The following KCNK10 variants were observed in gnomAD, a reference collection of about 807,000 sequenced individuals.
KCNK10 encodes potassium two pore domain channel subfamily K member 10.
In KCNK10, 25 loss-of-function variants were observed where a neutral mutation model predicts 47.7. The observed-to-expected ratio is 0.52, with a 90% CI of 0.38 to 0.73. The LOEUF (loss-of-function observed/expected upper bound fraction) is 0.73, where lower values mean the gene tolerates loss of function less well. KCNK10 is among the 30% of genes least tolerant of loss of function. KCNK10 has a pLI of 0.00. For missense variants in KCNK10, 563 were observed against 714.5 expected (o/e 0.79, Z 2.42); for synonymous variants, 303 against 285.6 (o/e 1.06, Z -0.61).
intron 2 of KCNK10, among the ~76,000 whole-genome samples, chr14:88,261,538 A>G (rs1887111545): frequency 3.9e-5 from 6 of 152,188 alleles, no homozygotes; most frequent in Admixed American, 3.9e-4. Context: ...TGATTGCTTG[A>G]GCCTAGGAAT....
intron 2 of KCNK10, among the ~76,000 whole-genome samples, chr14:88,257,717 C>T (rs890635741): frequency 6.6e-6 from 1 of 152,228 alleles, no homozygotes; most frequent in African/African-American, 2.4e-5. Context: ...CACAGAACAG[C>T]TGTGGGGACT....
Position 88,186,222 on chromosome 14 carries a change from C to T in KCNK10, c.1012-67G>A. ...CTCCCTGCCTTGGCCTCCCAGCACC[C>T]ACAGCCCTCGGGTGTCCCCACGGGG... On this transcript the variant is annotated intron_variant, in intron 6 of 6. Transcript: ENST00000319231. This position sits in a 1 kb window ranked among gnomAD's most constrained non-coding sequence, Gnocchi z 5.5. 6.7e-7 allele frequency: 1 copy of T among 1,499,576 alleles called. No homozygotes were observed. The highest frequency in any genetic ancestry group is 8.9e-7 in the Non-Finnish European group (1 of 1,123,282). 92.9% of individuals were successfully genotyped at this position (1,499,576 alleles called of 1,614,324 possible).
rs567737199 is a variant in KCNK10 at position 88,246,721 on chromosome 14, C to T, written c.403-5901G>A. On this transcript the variant is annotated intron_variant, in intron 2 of 6. Transcript: ENST00000319231. ...AGGAAGACAGTGGGAGCACCTCATA[C>T]ATTACTCTTGCAACAGGGAAAGTTC... 1.8e-3 allele frequency among the ~76,000 whole-genome samples: 268 copies of T among 152,298 alleles called. 9 individuals are homozygous for T. The South Asian group carries it at 0.052, about 30-fold the overall frequency.
At chr14:88,320,213 C>T (rs1888517654) in intron 1 of KCNK10, among the ~76,000 whole-genome samples, 1 of 152,176 alleles carries the variant, frequency 6.6e-6, no homozygotes, top group South Asian at 2.1e-4. Flanking sequence ...AAACAATGTA[C>T]ATAAAGCACC....
At position 88,185,697 on chromosome 14, in the gene KCNK10, C is replaced by T. The variant is rs1432439505; in HGVS notation, c.1470G>A (p.Lys490=). 1 of 1,614,214 alleles carries T rather than the reference C, an allele frequency of 6.2e-7. No homozygotes were observed. Among genetic ancestry groups the T allele is most frequent in the East Asian group, 2.2e-5 (1 of 44,880 alleles). ...ACATCTTTTCCGTCTCCTCCTCTTT[C>T]TTCTCCTCGTCCAGGGAGTAATTCC... is the stretch of plus-strand genomic sequence containing the variant. ...TFRNYSLDEE[K]KEEETEKMCN... Residue 490 remains lysine (K), a synonymous_variant, in exon 7 of 7, where the codon AAG becomes AAA. Coordinates refer to ENST00000319231, the MANE Select transcript of KCNK10 (RefSeq NM_138317.3). The surrounding 1 kb of genome is among the most constrained non-coding windows in gnomAD (Gnocchi z 4.3).
At chr14:88,307,943 T>C (rs776731774) in intron 1 of KCNK10, among the ~76,000 whole-genome samples, 5 of 152,118 alleles carry the variant, frequency 3.3e-5, no homozygotes, top group Non-Finnish European at 5.9e-5. Context: ...CATTTAACCA[T>C]ACCTACTCCC....
At chr14:88,263,671 C>G in intron 1 of KCNK10, 120 bp from the exon 2 acceptor site, 2 of 881,934 alleles carry the variant, frequency 2.3e-6, no homozygotes, top group South Asian at 1.8e-5. Flanking sequence ...GAGGATGAAA[C>G]GCTGGTTCAC....
intron 4 of KCNK10, among the ~76,000 whole-genome samples, chr14:88,205,542 C>CTT (rs200265659): frequency 0.022 from 2,597 of 115,718 alleles, 131 homozygotes; most frequent in African/African-American, 0.07. Context: ...CTTTTCTTTT[C>CTT]TTTTTTTTTT....
At position 88,277,013 on chromosome 14, in the gene KCNK10, C is replaced by T. The variant is rs141867301; in HGVS notation, c.53-13462G>A. Reference sequence around the variant, plus strand: ...TCTGTGTGCATCAAAAGTGGGGTATCATATGTATATTTTTAAACCATTTCT... The same window carrying T: ...TCTGTGTGCATCAAAAGTGGGGTATTATATGTATATTTTTAAACCATTTCT... On this transcript the variant is annotated intron_variant, in intron 1 of 6. Coordinates refer to ENST00000319231, the MANE Select transcript of KCNK10 (RefSeq NM_138317.3). Among the ~76,000 whole-genome samples the T allele has an allele frequency of 3.7e-3, 562 of 152,316 alleles. 4 individuals are homozygous for T. The highest frequency in any genetic ancestry group is 0.013 in the African/African-American group (532 of 41,568).
intron 2 of KCNK10, among the ~76,000 whole-genome samples, chr14:88,255,366 T>C (rs1208725442): frequency 1.3e-5 from 2 of 152,060 alleles, no homozygotes; most frequent in Non-Finnish European, 2.9e-5. Flanking sequence ...CTTCTTGGGA[T>C]TTATTTCCTC....
intron 2 of KCNK10, among the ~76,000 whole-genome samples, chr14:88,249,681 C>T (rs1446068455): frequency 1.3e-5 from 2 of 152,138 alleles, no homozygotes; most frequent in African/African-American, 2.4e-5. Context: ...TATTTAACTT[C>T]TCTGTTCCTC....
chr14:88,197,859 G>GGGGAGAGAGA (rs1396061178), intron 4 of KCNK10, among the ~76,000 whole-genome samples: 6 of 125,352 alleles, frequency 4.8e-5, no homozygotes, highest in African/African-American at 2.0e-4. Context: ...AGGAGGGAAG[G>GGGGAGAGAGA]GAGAGAGAGA....
chr14:88,214,489 T>C (rs1037319926), intron 4 of KCNK10, among the ~76,000 whole-genome samples: 3 of 152,230 alleles, frequency 2.0e-5, no homozygotes, highest in East Asian at 1.9e-4. Context: ...AAGTCAGCTA[T>C]TGGTACAGTA....
At chr14:88,258,829 C>T (rs1887031876) in intron 2 of KCNK10, among the ~76,000 whole-genome samples, 1 of 152,170 alleles carries the variant, frequency 6.6e-6, no homozygotes, top group African/African-American at 2.4e-5. Flanking sequence ...GAAAATCCCT[C>T]CCCACGATGG....
intron 2 of KCNK10, among the ~76,000 whole-genome samples, chr14:88,241,516 C>CAT (rs140356810): frequency 0.21 from 31,998 of 152,022 alleles, 4,369 homozygotes; most frequent in Non-Finnish European, 0.3. Flanking sequence ...CACACACACA[C>CAT]ATCGCTCTTT....
intron 4 of KCNK10, among the ~76,000 whole-genome samples, chr14:88,226,648 C>A (rs973820958): frequency 4.6e-5 from 7 of 152,180 alleles, no homozygotes; most frequent in Non-Finnish European, 1.0e-4. Context: ...GCATTGGGAA[C>A]CCCGGTTTAA....
rs575735822 is a variant in KCNK10 at position 88,231,177 on chromosome 14, G to A, written c.521-3642C>T. On this transcript the variant is annotated intron_variant, in intron 3 of 6. Coordinates refer to ENST00000319231, the MANE Select transcript of KCNK10 (RefSeq NM_138317.3). ...CAACTATAGTTCCAGCTACTTGGTTGGCTGAGGCGCGAGGACCATTTGAGC... is the reference window on the plus strand; with the variant it reads ...CAACTATAGTTCCAGCTACTTGGTTAGCTGAGGCGCGAGGACCATTTGAGC... Among the ~76,000 whole-genome samples, 19 of 152,264 alleles carry A rather than the reference G, an allele frequency of 1.2e-4. No individual in the cohort carries two copies. In the South Asian group the frequency reaches 3.7e-3, roughly 30 times the overall value.
At chr14:88,287,274 A>G (rs143036594) in intron 1 of KCNK10, among the ~76,000 whole-genome samples, 31 of 152,160 alleles carry the variant, frequency 2.0e-4, no homozygotes, top group African/African-American at 7.2e-4. Flanking sequence ...CTTCCCCAAC[A>G]TGGATGCTAC....
intron 4 of KCNK10, among the ~76,000 whole-genome samples, chr14:88,211,275 CT>C (rs895071685): frequency 6.6e-6 from 1 of 152,152 alleles, no homozygotes; most frequent in Non-Finnish European, 1.5e-5. Flanking sequence ...CACTATATGA[CT>C]CCATTGACAT....
Sources: gnomAD v4.1 joint callset for allele counts (sites outside exome capture counted in the v4.1 genomes callset) on GRCh38, gnomAD v4.1.1 for gene constraint, Gnocchi (gnomAD v3.1) non-coding constraint, MANE v1.5 for transcripts, NCBI Gene and HGNC (gene_info 2026-07-23, HGNC 2026-07-21) for gene names.